Variants in PRKAR1A observed in about 807,000 individuals in gnomAD.
PRKAR1A encodes the protein cAMP-dependent protein kinase type I-alpha regulatory subunit.
In PRKAR1A, 3 loss-of-function variants were observed where a neutral mutation model predicts 52.0. The ratio of observed to expected loss-of-function variants is 0.06; its 90% CI spans 0.03 to 0.15. The LOEUF is 0.15. Ranked by LOEUF, PRKAR1A falls within the 10% of genes least tolerant of loss-of-function variation. PRKAR1A has a pLI of 1.00. For missense variants in PRKAR1A, 240 were observed against 477.4 expected, an observed-to-expected ratio of 0.50 and a Z score of 4.63; for synonymous variants, 188 against 168.4, an observed-to-expected ratio of 1.12 and a Z score of -0.90.
the PRKAR1A span, among the ~76,000 whole-genome samples, chr17:68,481,460 C>G: frequency 1.3e-5 from 2 of 152,306 alleles, no homozygotes; most frequent in African/African-American, 4.8e-5. Context: ...GACAGATCAT[C>G]AGGCATTAGA....
rs752738099 is a variant in PRKAR1A, at chr17:68,542,698, A to G, written c.974-8386A>G. 3 of 1,612,500 alleles carry G rather than the reference A, an allele frequency of 1.9e-6. 1 individual carries two copies. The South Asian group carries it at 3.3e-5, about 18-fold the overall frequency. On this transcript the variant is annotated intron_variant, in intron 11 of 11. Coordinates refer to the PRKAR1A transcript ENST00000585981. ...TCACTCGGGCCAGTACTCTACCTGG[A>G]GAGACAAAGAAAACACTCTGCAGGA... is the stretch of plus-strand genomic sequence containing the variant.
intron 2 of PRKAR1A, among the ~76,000 whole-genome samples, chr17:68,521,690 C>T (rs2085614969): frequency 6.6e-6 from 1 of 152,226 alleles, no homozygotes; most frequent in South Asian, 2.1e-4. Flanking sequence ...TCACATATTT[C>T]AAAGTTGTGC....
At chr17:68,429,976 G>A in the PRKAR1A span, 1 of 1,613,862 alleles carries the variant, frequency 6.2e-7, no homozygotes, top group African/African-American at 1.3e-5. Context: ...CTTGTTCAGA[G>A]TGGGTGTCAT....
rs1249883809 is a variant in PRKAR1A, at chr17:68,527,860, G to A, written c.729G>A (p.Arg243=). 6.2e-7 allele frequency: 1 copy of A among 1,612,432 alleles called. No individual in the cohort carries two copies. The part of the protein sequence containing the change: ...RILMGSTLRK[R]KMYEEFLSKV... Reference sequence around the variant, plus strand: ...TTTAGGGAAGCACACTGAGAAAGCGGAAGATGTATGAGGAATTCCTTAGTA... The same window carrying A: ...TTTAGGGAAGCACACTGAGAAAGCGAAAGATGTATGAGGAATTCCTTAGTA... Residue 243 remains arginine (R), a synonymous_variant, in exon 8 of 11, where the codon CGG becomes CGA. Coordinates refer to ENST00000589228, the MANE Select transcript of PRKAR1A (RefSeq NM_002734.5).
At chr17:68,533,740 G>C (rs912608095), downstream of PRKAR1A, among the ~76,000 whole-genome samples, 1 of 152,018 alleles carries the variant, frequency 6.6e-6, no homozygotes, top group African/African-American at 2.4e-5. Flanking sequence ...TCTATTTATC[G>C]ATCTGTCTAT....
intron 5 of PRKAR1A, among the ~76,000 whole-genome samples, 167 bp from the exon 6 acceptor site, chr17:68,524,745 A>G (rs936529108): frequency 2.0e-5 from 3 of 152,180 alleles, no homozygotes; most frequent in Admixed American, 1.3e-4. Flanking sequence ...GATTAATTCT[A>G]TGACTTTTAA....
the PRKAR1A span, among the ~76,000 whole-genome samples, chr17:68,470,320 T>C: frequency 6.6e-6 from 1 of 152,190 alleles, no homozygotes; most frequent in Non-Finnish European, 1.5e-5. Flanking sequence ...GACTGCGTGA[T>C]CCACCCGCCT....
chr17:68,426,030 A>G, the PRKAR1A span: 2 of 1,526,976 alleles, frequency 1.3e-6, no homozygotes, highest in South Asian at 1.1e-5. Flanking sequence ...GTTTCCTTCT[A>G]AGCACACAGA....
rs570672858 is a variant in PRKAR1A at position 68,523,886 on chromosome 17, G to T, written c.440+70G>T. The T allele has an allele frequency of 6.3e-6, 10 of 1,584,840 alleles. No individual in the cohort carries two copies. In the African/African-American group the frequency reaches 1.1e-4, roughly 17 times the overall value. On this transcript the variant is annotated intron_variant, in intron 4 of 10. Coordinates refer to ENST00000589228, the MANE Select transcript of PRKAR1A (RefSeq NM_002734.5). Reference sequence around the variant, plus strand: ...TGATCCCAAATTGTTTTCAACACTTGTTGCAAGTTTTAGAGCTCTTAGTAA... The same window carrying T: ...TGATCCCAAATTGTTTTCAACACTTTTTGCAAGTTTTAGAGCTCTTAGTAA...
At chr17:68,499,368 A>AAGAGAGAGAGAGAGAGAG in the PRKAR1A span, among the ~76,000 whole-genome samples, 98 of 140,472 alleles carry the variant, frequency 7.0e-4, no homozygotes, top group Non-Finnish European at 1.1e-3. Flanking sequence ...AAGGGAGGAA[A>AAGAGAGAGAGAGAGAGAG]AGAGAGAGAG....
chr17:68,447,984 C>CAAAAAAAAA, the PRKAR1A span, among the ~76,000 whole-genome samples: 1 of 80,286 alleles, frequency 1.2e-5, no homozygotes, highest in Admixed American at 1.4e-4. Flanking sequence ...GACTCTATCT[C>CAAAAAAAAA]AAAAAAAAAA....
At chr17:68,490,337 C>T in the PRKAR1A span, among the ~76,000 whole-genome samples, 50 of 152,316 alleles carry the variant, frequency 3.3e-4, no homozygotes, top group Non-Finnish European at 5.9e-4. Context: ...GTACCTTTGG[C>T]AGTTACCTGG....
intron 11 of PRKAR1A, among the ~76,000 whole-genome samples, chr17:68,548,425 A>G (rs2086668533): frequency 6.6e-6 from 1 of 152,042 alleles, no homozygotes; most frequent in Admixed American, 6.5e-5. Flanking sequence ...AGCTATTTGG[A>G]AGGCTGAGGC....
At chr17:68,538,684 T>C (rs1278069282) in intron 11 of PRKAR1A, among the ~76,000 whole-genome samples, 2 of 152,216 alleles carry the variant, frequency 1.3e-5, no homozygotes, top group African/African-American at 4.8e-5. Flanking sequence ...TATGAGCCGA[T>C]ATGAATGCTG....
chr17:68,504,932 A>G, the PRKAR1A span, among the ~76,000 whole-genome samples: 4 of 152,330 alleles, frequency 2.6e-5, no homozygotes, highest in South Asian at 8.3e-4. Context: ...CATATACCCC[A>G]TAAATACATA....
At position 68,543,781 on chromosome 17, in the gene PRKAR1A, G is replaced by T. The variant is rs573336407; in HGVS notation, c.974-7303G>T. The T allele has an allele frequency of 9.3e-6, 13 of 1,403,170 alleles. No individual in the cohort carries two copies. In the South Asian group the frequency reaches 1.4e-4, roughly 15 times the overall value. 86.9% of individuals were successfully genotyped at this position (1,403,170 alleles called of 1,614,324 possible). On this transcript the variant is annotated intron_variant, in intron 11 of 11. Coordinates refer to the PRKAR1A transcript ENST00000585981. ...GACTTCAGCTGGGAGCCTGAGAAGAGAGCTGATGAGCATGACCAGCGAGAA... is the reference window on the plus strand; with the variant it reads ...GACTTCAGCTGGGAGCCTGAGAAGATAGCTGATGAGCATGACCAGCGAGAA...
Position 68,515,450 on chromosome 17 carries a change from A to G in PRKAR1A, c.51A>G (p.Glu17=). The G allele has an allele frequency of 6.2e-7, 1 of 1,613,680 alleles. No individual in the cohort carries two copies. The highest frequency in any genetic ancestry group is 8.5e-7 in the Non-Finnish European group (1 of 1,180,046). ...AASEEARSLR[E]CELYVQKHNI... The stretch of plus-strand genomic sequence containing the variant: ...GTGAGGAGGCACGCAGCCTTCGAGA[A>G]TGTGAGCTCTACGTCCAGAAGCATA... Residue 17 remains glutamate (E), a synonymous_variant, in exon 2 of 11, where the codon GAA becomes GAG. Transcript: ENST00000589228.
intron 6 of PRKAR1A, 50 bp downstream of exon 6, chr17:68,525,008 T>C: frequency 6.9e-7 from 1 of 1,445,266 alleles, no homozygotes; most frequent in Non-Finnish European, 9.7e-7. Flanking sequence ...GCCAATGTAT[T>C]GATCGCTTCC....
the PRKAR1A span, among the ~76,000 whole-genome samples, chr17:68,443,260 G>A: frequency 0.27 from 40,683 of 151,848 alleles, 5,607 homozygotes; most frequent in Admixed American, 0.3. Context: ...ACAGGCACTC[G>A]CCACCATGCT....
Sources: allele counts gnomAD v4.1 joint callset (sites outside exome capture counted in the v4.1 genomes callset), GRCh38; gene constraint gnomAD v4.1.1; transcripts MANE v1.5; gene names NCBI Gene and HGNC (gene_info 2026-07-23, HGNC 2026-07-21).